COL18A1: variants seen among roughly 807,000 people sequenced by gnomAD.
The protein encoded by COL18A1 is collagen alpha-1(XVIII) chain.
COL18A1 carries 133 observed loss-of-function variants against 168.0 expected under a neutral mutation model. The observed-to-expected ratio is 0.79, with a 90% CI of 0.69 to 0.91. The LOEUF (loss-of-function observed/expected upper bound fraction) is 0.91, where lower values mean the gene tolerates loss of function less well. Ranked by LOEUF, COL18A1 falls within the 40% of genes least tolerant of loss-of-function variation. The probability of loss-of-function intolerance (pLI) is 0.00; values close to 1 mark genes in which losing one functional copy is unlikely to be tolerated. For synonymous variants in COL18A1, 949 were observed against 809.0 expected, an observed-to-expected ratio of 1.17 and a Z score of -2.94; for missense variants, 2,126 against 1,925.4, an observed-to-expected ratio of 1.10 and a Z score of -1.95.
chr21:45,409,399 C>T (rs1267923110), intron 2 of COL18A1, among the ~76,000 whole-genome samples: 3 of 152,184 alleles, frequency 2.0e-5, no homozygotes, highest in Non-Finnish European at 2.9e-5. Flanking sequence ...CCATGAAGAT[C>T]CTGAAAGCAG....
chr21:45,498,601 C>T lies in COL18A1; in HGVS notation c.2683+940C>T, dbSNP rs1279757458. On this transcript the variant is annotated intron_variant, in intron 32 of 41. Transcript: ENST00000651438. This position sits in a 1 kb window ranked among gnomAD's most constrained non-coding sequence, Gnocchi z 4.5. ...GGCAGAGGCCGAGTCTGGGCCGGGACATCCTTAAGGCCTGTGGAGGCAAAG... is the reference window on the plus strand; with the variant it reads ...GGCAGAGGCCGAGTCTGGGCCGGGATATCCTTAAGGCCTGTGGAGGCAAAG... The T allele has an allele frequency of 2.8e-6, 2 of 715,536 alleles. No individual in the cohort carries two copies. Among genetic ancestry groups the T allele is most frequent in the Non-Finnish European group, 5.2e-6 (2 of 383,952 alleles). 44.3% of individuals were successfully genotyped at this position (715,536 alleles called of 1,614,324 possible).
At position 45,457,301 on chromosome 21, in the gene COL18A1, C is replaced by CGGTTCGA. The variant is rs1326149040; in HGVS notation, c.107-10940_107-10934dup. On this transcript the variant is annotated intron_variant, in intron 2 of 41. Transcript: ENST00000651438. This position sits in a 1 kb window ranked among gnomAD's most constrained non-coding sequence, Gnocchi z 4.6. Reference sequence around the variant, plus strand: ...ACCTTGCTCCGGTCACTAAGCTGCACGGTTCGATGCGCTTCCTGGGAGCCC... The same window carrying CGGTTCGA: ...ACCTTGCTCCGGTCACTAAGCTGCACGGTTCGAGGTTCGATGCGCTTCCTGGGAGCCC... Among the ~76,000 whole-genome samples the CGGTTCGA allele has an allele frequency of 1.3e-5, 2 of 152,216 alleles. No individual in the cohort carries two copies. Among genetic ancestry groups the CGGTTCGA allele is most frequent in the Non-Finnish European group, 2.9e-5 (2 of 68,030 alleles).
At chr21:45,485,893 C>T (rs552275865) in intron 15 of COL18A1, among the ~76,000 whole-genome samples, 1 of 152,358 alleles carries the variant, frequency 6.6e-6, no homozygotes, top group South Asian at 2.1e-4. Context: ...CAGTGCTGGG[C>T]TCACACTATC....
intron 27 of COL18A1, 97 bp downstream of exon 27, chr21:45,494,668 A>G: frequency 1.3e-6 from 2 of 1,549,716 alleles, no homozygotes; most frequent in South Asian, 2.2e-5. Context: ...TGTGCGGCCC[A>G]GGGCTCATCT....
chr21:45,464,830 A>G lies in COL18A1; in HGVS notation c.107-3412A>G, dbSNP rs1399967460. ...TAGAAGTGGATCATCTCCCATCTCC[A>G]GGTCCACAGCCTGAGTCCCAGCTGC... On this transcript the variant is annotated intron_variant, in intron 2 of 41. Coordinates refer to ENST00000651438, the MANE Select transcript of COL18A1 (RefSeq NM_001379500.1). Among the ~76,000 whole-genome samples, 6 of 152,282 alleles carry G rather than the reference A, an allele frequency of 3.9e-5. No individual in the cohort carries two copies. The East Asian group carries it at 1.2e-3, about 29-fold the overall frequency.
intron 2 of COL18A1, among the ~76,000 whole-genome samples, chr21:45,415,910 C>T (rs911406451): frequency 1.3e-5 from 2 of 152,144 alleles, no homozygotes; most frequent in African/African-American, 4.8e-5. Flanking sequence ...GGGTACTTGC[C>T]GGGGGCCGGG....
chr21:45,420,506 CTCGGGGCA>C (rs1281660984), intron 2 of COL18A1: 3 of 152,284 alleles, frequency 2.0e-5, no homozygotes, highest in African/African-American at 7.2e-5. Flanking sequence ...CCGGAGTCCC[CTCGGGGCA>C]CCGAGAACAG....
intron 2 of COL18A1, among the ~76,000 whole-genome samples, chr21:45,441,250 C>T (rs538521949): frequency 1.2e-4 from 18 of 152,296 alleles, no homozygotes; most frequent in African/African-American, 4.3e-4. Flanking sequence ...CTACTTCTGG[C>T]ACACGCTCCT....
intron 2 of COL18A1, among the ~76,000 whole-genome samples, chr21:45,451,206 G>A (rs4819116): frequency 0.13 from 19,591 of 152,270 alleles, 1,468 homozygotes; most frequent in East Asian, 0.21. Flanking sequence ...TGGCCAGATG[G>A]CCGGCCAGCG....
In COL18A1 at chr21:45,479,614, CACAT is replaced by C. The variant is rs1413628889; in HGVS notation, c.1249-287_1249-284del. On this transcript the variant is annotated intron_variant, in intron 9 of 41. Coordinates refer to ENST00000651438, the MANE Select transcript of COL18A1 (RefSeq NM_001379500.1). ...ACACCATGCATACCACACACACACA[CACAT>C]GTATGTAACACCCAAGCACCAGCTG... 2.6e-4 allele frequency among the ~76,000 whole-genome samples: 38 copies of C among 145,540 alleles called. 1 individual carries two copies. Among genetic ancestry groups the C allele is most frequent in the African/African-American group, 7.9e-4 (32 of 40,336 alleles).
chr21:45,445,014 C>G (rs1017070840), intron 2 of COL18A1, among the ~76,000 whole-genome samples: 23 of 152,114 alleles, frequency 1.5e-4, no homozygotes, highest in African/African-American at 5.3e-4. Context: ...GCAATTCACT[C>G]GAAGTGTACA....
intron 2 of COL18A1, chr21:45,422,563 A>G: frequency 2.0e-6 from 1 of 506,460 alleles, no homozygotes. Context: ...AGCAAAAGGC[A>G]TCTGTGAGTC....
chr21:45,495,354 C>A lies in COL18A1; in HGVS notation c.2434-4C>A. On this transcript the variant is annotated splice_region_variant and splice_polypyrimidine_tract_variant and intron_variant, in intron 28 of 41. Coordinates refer to ENST00000651438, the MANE Select transcript of COL18A1 (RefSeq NM_001379500.1). ...CAGTCCCCACCCCCTGTGCTCCGCC[C>A]CAGGGTCGCCCCGGGATGAACGGAT... 1 of 1,606,654 alleles carries A rather than the reference C, an allele frequency of 6.2e-7. No homozygotes were observed.
intron 6 of COL18A1, among the ~76,000 whole-genome samples, chr21:45,476,771 T>C (rs1005259810): frequency 2.0e-5 from 3 of 146,748 alleles, no homozygotes; most frequent in African/African-American, 5.1e-5. Context: ...GGTGTGTGTA[T>C]TGTGTGTGGT....
chr21:45,480,378 C>T (rs565019454), intron 11 of COL18A1, 89 bp from the exon 12 acceptor site: 24 of 1,609,650 alleles, frequency 1.5e-5, no homozygotes, highest in African/African-American at 2.7e-5. Context: ...AGAAACAGCT[C>T]GATATGCAGC....
At position 45,457,742 on chromosome 21, in the gene COL18A1, G is replaced by A. The variant is rs1304240869; in HGVS notation, c.107-10500G>A. ...CAGAGGCCCTATCCCCGCAGGGTGA[G>A]GTGCTCTGTCCTCCTCTGCTGTCCT... On this transcript the variant is annotated intron_variant, in intron 2 of 41. Coordinates refer to ENST00000651438, the MANE Select transcript of COL18A1 (RefSeq NM_001379500.1). The surrounding 1 kb of genome is among the most constrained non-coding windows in gnomAD (Gnocchi z 4.6). Among the ~76,000 whole-genome samples, 1 of 152,214 alleles carries A rather than the reference G, an allele frequency of 6.6e-6. No homozygotes were observed. Among genetic ancestry groups the A allele is most frequent in the Non-Finnish European group, 1.5e-5 (1 of 68,042 alleles).
intron 2 of COL18A1, among the ~76,000 whole-genome samples, chr21:45,406,173 C>T (rs543198283): frequency 1.2e-4 from 19 of 152,296 alleles, no homozygotes; most frequent in African/African-American, 4.1e-4. Flanking sequence ...TAACCGGGGC[C>T]TCCTGCCTCC....
intron 2 of COL18A1, chr21:45,407,537 C>T (rs150661319): frequency 1.3e-5 from 2 of 152,400 alleles, no homozygotes; most frequent in East Asian, 3.9e-4. Flanking sequence ...TACCTGCAAT[C>T]TCTCCTCTGG....
At chr21:45,511,059 C>G in intron 40 of COL18A1, 52 bp from the exon 41 acceptor site, 2 of 743,880 alleles carry the variant, frequency 2.7e-6, no homozygotes, top group South Asian at 1.5e-5. Context: ...AACACCCACA[C>G]CCATCCACAC....
Sources: allele counts gnomAD v4.1 joint callset (sites outside exome capture counted in the v4.1 genomes callset), GRCh38; gene constraint gnomAD v4.1.1; non-coding constraint Gnocchi (gnomAD v3.1); transcripts MANE v1.5; gene names NCBI Gene and HGNC (gene_info 2026-07-23, HGNC 2026-07-21).